SPATA1: variants seen among roughly 807,000 people sequenced by gnomAD.
SPATA1 encodes the protein spermatogenesis-associated protein 1.
In SPATA1, 57 loss-of-function variants were observed where a neutral mutation model predicts 59.6. The ratio of observed to expected loss-of-function variants is 0.96; its 90% CI spans 0.77 to 1.19. The LOEUF (loss-of-function observed/expected upper bound fraction) is 1.19. Ranked by LOEUF, SPATA1 falls within the 50% of genes most tolerant of loss-of-function variation. The pLI is 0.00. For missense variants in SPATA1, 448 were observed against 480.7 expected (o/e 0.93, Z 0.64); for synonymous variants, 147 against 163.9 (o/e 0.90, Z 0.79).
exon 5 of SPATA1, chr1:84,566,036 T>G: frequency 6.9e-7 from 1 of 1,459,810 alleles, no homozygotes; most frequent in South Asian, 1.5e-5. Flanking sequence ...TCTTACTATT[T>G]TATGTAATAT....
At chr1:84,508,277 C>T (rs1468341739) in intron 1 of SPATA1, among the ~76,000 whole-genome samples, 1 of 147,308 alleles carries the variant, frequency 6.8e-6, no homozygotes, top group Non-Finnish European at 1.5e-5. Context: ...AGTGAGACTC[C>T]GTCTCAAAAA....
chr1:84,525,743 T>C (rs1399865472), exon 5 of SPATA1: 1 of 1,604,972 alleles, frequency 6.2e-7, no homozygotes, highest in South Asian at 1.1e-5. Flanking sequence ...CATTTGCTCC[T>C]CCATATGTAT....
chr1:84,557,204 A>G (rs956936458), downstream of SPATA1, among the ~76,000 whole-genome samples: 1 of 152,178 alleles, frequency 6.6e-6, no homozygotes, highest in Non-Finnish European at 1.5e-5. Context: ...TAAGACAGAA[A>G]CTTGATTCAT....
At chr1:84,538,361 G>A (rs984914977) in intron 8 of SPATA1, among the ~76,000 whole-genome samples, 7 of 152,340 alleles carry the variant, frequency 4.6e-5, no homozygotes, top group African/African-American at 1.4e-4. Context: ...TAAGGGCTGT[G>A]TCAATTCTGG....
intron 1 of SPATA1, among the ~76,000 whole-genome samples, chr1:84,511,679 C>CT (rs1310907189): frequency 0.026 from 1,749 of 67,590 alleles, 37 homozygotes; most frequent in Non-Finnish European, 0.037. Context: ...TTCTTTCTTT[C>CT]TTTTTTTTTT....
At position 84,525,833 on chromosome 1, in the gene SPATA1, T is replaced by G; in HGVS notation, c.316-12T>G. The G allele has an allele frequency of 1.9e-6, 3 of 1,604,682 alleles. No individual in the cohort carries two copies. Among genetic ancestry groups the G allele is most frequent in the Non-Finnish European group, 2.5e-6 (3 of 1,177,686 alleles). ...TTGCAAACTAACTTTTAAAATTTCCTATATGTTTTAGGCTCTTCAACCAGA... is the reference window on the plus strand; with the variant it reads ...TTGCAAACTAACTTTTAAAATTTCCGATATGTTTTAGGCTCTTCAACCAGA... On this transcript the variant is annotated splice_polypyrimidine_tract_variant and intron_variant, in intron 5 of 12. Coordinates refer to ENST00000490879, the Ensembl canonical transcript of SPATA1.
At chr1:84,532,320 AC>A (rs1002609839) in intron 6 of SPATA1, among the ~76,000 whole-genome samples, 1 of 152,146 alleles carries the variant, frequency 6.6e-6, no homozygotes, top group Non-Finnish European at 1.5e-5. Context: ...ACCTGGTGAA[AC>A]CCTGTCTATA....
intron 1 of SPATA1, among the ~76,000 whole-genome samples, chr1:84,511,703 C>CA (rs1682567891): frequency 1.2e-5 from 1 of 84,850 alleles, no homozygotes; most frequent in South Asian, 3.9e-4. Flanking sequence ...TTTTTTGAGA[C>CA]AGAGTTTTGC....
Position 84,563,754 on chromosome 1 carries a change from G to T in SPATA1, n.443-2107G>T. ...TCCTACCTCAGACAGATTCAGGCAG[G>T]TATAATCATAACCATACCAAGGAAC... On this transcript the variant is annotated intron_variant and non_coding_transcript_variant, in intron 4 of 4. Transcript: ENST00000460286. 1 of 1,600,860 alleles carries T rather than the reference G, an allele frequency of 6.2e-7. No individual in the cohort carries two copies. Among genetic ancestry groups the T allele is most frequent in the Non-Finnish European group, 8.5e-7 (1 of 1,172,284 alleles).
chr1:84,532,828 C>T (rs1683526335), intron 6 of SPATA1, 32 bp from the exon 7 acceptor site: 2 of 1,405,712 alleles, frequency 1.4e-6, no homozygotes, highest in Non-Finnish European at 2.0e-6. Flanking sequence ...ACATTCTGAA[C>T]TTTATTTGCT....
downstream of SPATA1, among the ~76,000 whole-genome samples, chr1:84,556,279 A>C (rs890922447): frequency 6.6e-6 from 1 of 152,206 alleles, no homozygotes; most frequent in Non-Finnish European, 1.5e-5. Context: ...AAAAGATAGG[A>C]GATAAAAAAT....
At chr1:84,509,207 A>G (rs1682420424) in intron 1 of SPATA1, among the ~76,000 whole-genome samples, 2 of 148,770 alleles carry the variant, frequency 1.3e-5, no homozygotes, top group South Asian at 2.2e-4. Flanking sequence ...TGGTACTGGC[A>G]TAAAAAAAAA....
chr1:84,511,729 T>A (rs994434072), intron 1 of SPATA1, among the ~76,000 whole-genome samples: 2 of 143,804 alleles, frequency 1.4e-5, no homozygotes, highest in Non-Finnish European at 3.0e-5. Flanking sequence ...TTGCCCAGGC[T>A]AGAGTGCAAT....
At chr1:84,507,510 G>T (rs999379131) in intron 1 of SPATA1, among the ~76,000 whole-genome samples, 9 of 152,190 alleles carry the variant, frequency 5.9e-5, no homozygotes, top group African/African-American at 2.2e-4. Context: ...CAGCTTCGTA[G>T]AGTTGTTTTT....
chr1:84,563,921 G>A, intron 4 of SPATA1: 6 of 1,373,116 alleles, frequency 4.4e-6, no homozygotes, highest in Non-Finnish European at 5.7e-6. Flanking sequence ...GAATCTGTTT[G>A]TAAAAACAAG....
chr1:84,536,999 C>A (rs1023620183), intron 8 of SPATA1, among the ~76,000 whole-genome samples: 5 of 151,760 alleles, frequency 3.3e-5, no homozygotes, highest in Non-Finnish European at 5.9e-5. Context: ...CCTGCCTCAG[C>A]CTTCCGAGTA....
intron 6 of SPATA1, among the ~76,000 whole-genome samples, chr1:84,527,942 G>A (rs554917893): frequency 4.6e-4 from 70 of 152,082 alleles, no homozygotes; most frequent in Non-Finnish European, 7.2e-4. Context: ...TGTTGGCCAG[G>A]GTGGTCTCGA....
Position 84,525,749 on chromosome 1 carries a change from T to A in SPATA1, c.315T>A (p.Tyr105Ter), listed in dbSNP as rs758051901. ...AACTCAAATCATTTGCTCCTCCATA[T>A]GTATGTAATGTGACATTTTAAACTT... is the stretch of plus-strand genomic sequence containing the variant. Residue 105 changes from tyrosine to a stop codon, truncating the protein, a stop_gained and splice_region_variant, in exon 5 of 13, where the codon TAT becomes TAA. Coordinates refer to ENST00000490879, the Ensembl canonical transcript of SPATA1. LOFTEE classifies it high-confidence loss of function. 2.5e-6 allele frequency: 4 copies of A among 1,605,126 alleles called. No homozygotes were observed. The highest frequency in any genetic ancestry group is 1.7e-6 in the Non-Finnish European group (2 of 1,177,922).
chr1:84,562,910 G>A (rs759624122), intron 4 of SPATA1, among the ~76,000 whole-genome samples: 35 of 152,136 alleles, frequency 2.3e-4, no homozygotes, highest in Non-Finnish European at 4.3e-4. Flanking sequence ...GGCTTTCAGA[G>A]ATAGTAACTT....
Sources: allele counts gnomAD v4.1 joint callset (sites outside exome capture counted in the v4.1 genomes callset), GRCh38; gene constraint gnomAD v4.1.1; transcripts MANE v1.5; gene names NCBI Gene and HGNC (gene_info 2026-07-23, HGNC 2026-07-21).